The following PCDHA2 variants were observed in gnomAD, a reference collection of about 807,000 sequenced individuals.
PCDHA2 encodes the protein protocadherin alpha-2.
A neutral mutation model predicts 66.0 loss-of-function variants in PCDHA2; 58 were observed. The observed-to-expected ratio is 0.88, with a 90% CI of 0.71 to 1.09. The LOEUF (loss-of-function observed/expected upper bound fraction) is 1.09, where lower values mean the gene tolerates loss of function less well. PCDHA2 is among the 50% of genes least tolerant of loss of function. PCDHA2 has a pLI of 0.00. For missense variants in PCDHA2, 1,267 were observed against 1,242.3 expected, an observed-to-expected ratio of 1.02 and a Z score of -0.30; for synonymous variants, 634 against 554.0, an observed-to-expected ratio of 1.14 and a Z score of -2.03.
chr5:140,876,077 G>C, intron 1 of PCDHA2: 4 of 1,613,956 alleles, frequency 2.5e-6, no homozygotes, highest in Non-Finnish European at 3.4e-6. Flanking sequence ...TTATTGGACA[G>C]AGAGCAAACG....
chr5:140,875,864 C>G (rs781972677), intron 1 of PCDHA2: 2 of 1,614,168 alleles, frequency 1.2e-6, no homozygotes, highest in South Asian at 1.1e-5. Context: ...GACAACCCGC[C>G]GGTGTTCAGA....
At chr5:140,885,809 T>G (rs1208963596) in intron 1 of PCDHA2, among the ~76,000 whole-genome samples, 1 of 152,320 alleles carries the variant, frequency 6.6e-6, no homozygotes, top group African/African-American at 2.4e-5. Flanking sequence ...ATTTTGTTGA[T>G]TTGTATTTGA....
At chr5:140,856,545 T>C in intron 1 of PCDHA2, 1 of 1,598,250 alleles carries the variant, frequency 6.3e-7, no homozygotes, top group South Asian at 1.1e-5. Context: ...GAGAACGCAT[T>C]GCTTACTTAC....
intron 3 of PCDHA2, among the ~76,000 whole-genome samples, chr5:140,990,006 G>T (rs1249732911): frequency 1.3e-5 from 2 of 152,116 alleles, no homozygotes; most frequent in Non-Finnish European, 2.9e-5. Flanking sequence ...ATCTCCAAGG[G>T]CGTGGGCTAG....
At chr5:140,927,167 C>G in intron 1 of PCDHA2, 3 of 1,614,164 alleles carry the variant, frequency 1.9e-6, no homozygotes, top group Non-Finnish European at 2.5e-6. Flanking sequence ...GCCAAAGCTG[C>G]CTGCGTCTTG....
rs192969362 is a variant in PCDHA2 at position 140,893,205 on chromosome 5, T to C, written c.2389-85744T>C. On this transcript the variant is annotated intron_variant, in intron 1 of 3. Transcript: ENST00000526136. ...CTATTGTGAATAGTGCTGCAGTAAG[T>C]ATGGGAGGTGCAGGTATCACTTTGA... Among the ~76,000 whole-genome samples, 9 of 152,220 alleles carry C rather than the reference T, an allele frequency of 5.9e-5. No homozygotes were observed. The East Asian group carries it at 9.6e-4, about 16-fold the overall frequency.
chr5:140,948,464 G>A (rs1357759863), intron 1 of PCDHA2, among the ~76,000 whole-genome samples: 1 of 151,508 alleles, frequency 6.6e-6, no homozygotes, highest in Non-Finnish European at 1.5e-5. Flanking sequence ...TTTAGGGAAA[G>A]TTTCTGATAA....
At chr5:140,857,488 C>G (rs782255025) in intron 1 of PCDHA2, 2 of 1,598,442 alleles carry the variant, frequency 1.3e-6, no homozygotes, top group South Asian at 2.2e-5. Context: ...CTGCGTGGGA[C>G]GCGGACGCGC....
intron 1 of PCDHA2, chr5:140,881,309 G>C (rs535656328): frequency 1.0e-6 from 1 of 975,612 alleles, no homozygotes; most frequent in East Asian, 1.1e-4. Context: ...TTAACCTCCT[G>C]GTTAAATTCT....
chr5:140,796,720 G>A lies in PCDHA2; in HGVS notation c.1756G>A (p.Gly586Ser). The part of the protein sequence containing the change: ...AVSELVPWSV[G>S]AGHVVAKVRA... ...GAGTGAGCTGGTGCCGTGGTCGGTGGGTGCAGGGCACGTGGTGGCGAAGGT... is the reference window on the plus strand; with the variant it reads ...GAGTGAGCTGGTGCCGTGGTCGGTGAGTGCAGGGCACGTGGTGGCGAAGGT... The change falls in exon 1 of 4, where the codon GGT becomes AGT. Residue 586 changes from glycine to serine, a missense_variant. Coordinates refer to ENST00000526136, the MANE Select transcript of PCDHA2 (RefSeq NM_018905.3). 2 of 1,614,082 alleles carry A rather than the reference G, an allele frequency of 1.2e-6. No homozygotes were observed. The highest frequency in any genetic ancestry group is 1.1e-5 in the South Asian group (1 of 91,082).
At chr5:140,870,465 C>T (rs781918898) in intron 1 of PCDHA2, 1 of 1,614,208 alleles carries the variant, frequency 6.2e-7, no homozygotes, top group Non-Finnish European at 8.5e-7. Context: ...CGCCTGCGTT[C>T]GCACAGCCCG....
At chr5:140,848,733 C>T (rs2150418952) in intron 1 of PCDHA2, 1 of 1,592,812 alleles carries the variant, frequency 6.3e-7, no homozygotes, top group East Asian at 2.2e-5. Context: ...GGTAAATCTG[C>T]AGAATGGCAT....
At chr5:140,885,119 TTTTC>T (rs1425065169) in intron 1 of PCDHA2, among the ~76,000 whole-genome samples, 2 of 152,334 alleles carry the variant, frequency 1.3e-5, no homozygotes, top group East Asian at 3.9e-4. Context: ...TTAAGTGCAC[TTTTC>T]TTTCTTTCTT....
intron 1 of PCDHA2, among the ~76,000 whole-genome samples, chr5:140,945,365 G>A (rs1458066318): frequency 6.6e-6 from 1 of 151,914 alleles, no homozygotes; most frequent in Non-Finnish European, 1.5e-5. Flanking sequence ...TGTTTAAAAT[G>A]TCCATATTAC....
intron 1 of PCDHA2, among the ~76,000 whole-genome samples, chr5:140,974,578 C>T (rs1554236214): frequency 6.6e-6 from 1 of 152,170 alleles, no homozygotes; most frequent in Admixed American, 6.5e-5. Flanking sequence ...ATGGCATGAT[C>T]TTGGCTCACT....
chr5:140,831,696 A>G (rs946538219), intron 1 of PCDHA2, among the ~76,000 whole-genome samples: 3 of 152,070 alleles, frequency 2.0e-5, no homozygotes, highest in African/African-American at 7.2e-5. Flanking sequence ...AGCAGCAAAA[A>G]GTAGTGATTA....
rs2150452884 is a variant in PCDHA2, at chr5:140,849,840, A to G, written c.2388+52488A>G. 1.9e-6 allele frequency: 3 copies of G among 1,598,334 alleles called. No individual in the cohort carries two copies. The Admixed American group carries it at 5.1e-5, about 27-fold the overall frequency. On this transcript the variant is annotated intron_variant, in intron 1 of 3. Coordinates refer to ENST00000526136, the MANE Select transcript of PCDHA2 (RefSeq NM_018905.3). ...GGTGTCTGTGGAGGTGGCCGACGTG[A>G]ACGACAACGCACCAGCGTTCGCGCA...
intron 1 of PCDHA2, among the ~76,000 whole-genome samples, chr5:140,806,114 C>T (rs1647201043): frequency 6.6e-6 from 1 of 152,140 alleles, no homozygotes; most frequent in Admixed American, 6.6e-5. Flanking sequence ...TTGGTTTGAT[C>T]ATGACATTCT....
rs952231570 is a variant in PCDHA2 at position 140,897,305 on chromosome 5, G to C, written c.2389-81644G>C. Among the ~76,000 whole-genome samples the C allele has an allele frequency of 1.9e-3, 284 of 150,706 alleles. 1 individual carries two copies. Among genetic ancestry groups the C allele is most frequent in the African/African-American group, 6.8e-3 (278 of 41,056 alleles). On this transcript the variant is annotated intron_variant, in intron 1 of 3. Coordinates refer to ENST00000526136, the MANE Select transcript of PCDHA2 (RefSeq NM_018905.3). ...CCATTAACTCGTCATTTAGCATTAG[G>C]TATATCTCCTAAAGCTATCCCTCCC...
Sources: gnomAD v4.1 joint callset for allele counts (sites outside exome capture counted in the v4.1 genomes callset) on GRCh38, gnomAD v4.1.1 for gene constraint, MANE v1.5 for transcripts, NCBI Gene and HGNC (gene_info 2026-07-23, HGNC 2026-07-21) for gene names.